DIAPH3: variants seen among roughly 807,000 people sequenced by gnomAD.
The protein encoded by DIAPH3 is diaphanous related formin 3, also known as protein diaphanous homolog 3.
In DIAPH3, 117 loss-of-function variants were observed where a neutral mutation model predicts 144.3. The observed-to-expected ratio is 0.81, with a 90% CI of 0.70 to 0.95. The LOEUF (loss-of-function observed/expected upper bound fraction) is 0.95, where lower values mean the gene tolerates loss of function less well. Ranked by LOEUF, DIAPH3 falls within the 40% of genes least tolerant of loss-of-function variation. The probability of loss-of-function intolerance (pLI) is 0.00; values close to 1 mark genes in which losing one functional copy is unlikely to be tolerated. For missense variants in DIAPH3, 1,421 were observed against 1,412.7 expected (o/e 1.01, Z -0.09); for synonymous variants, 519 against 488.9 (o/e 1.06, Z -0.81).
intron 5 of DIAPH3, among the ~76,000 whole-genome samples, chr13:60,016,745 A>AAAAC (rs901444337): frequency 4.9e-4 from 75 of 152,308 alleles, no homozygotes; most frequent in African/African-American, 7.5e-4. Context: ...AGTTGCTTTA[A>AAAAC]AAACAAACAA....
At chr13:59,885,320 A>G (rs998831577) in intron 20 of DIAPH3, among the ~76,000 whole-genome samples, 4 of 152,012 alleles carry the variant, frequency 2.6e-5, no homozygotes, top group East Asian at 1.9e-4. Flanking sequence ...CCGCTTCCAG[A>G]CAATCCCCAT....
intron 27 of DIAPH3, among the ~76,000 whole-genome samples, chr13:59,760,060 G>A (rs945129463): frequency 1.2e-4 from 18 of 152,264 alleles, no homozygotes; most frequent in South Asian, 2.1e-4. Flanking sequence ...GGTCCTAGGC[G>A]CTGTCTCAGG....
At chr13:60,057,097 G>A (rs1426905463) in intron 4 of DIAPH3, among the ~76,000 whole-genome samples, 1 of 151,774 alleles carries the variant, frequency 6.6e-6, no homozygotes, top group Non-Finnish European at 1.5e-5. Context: ...GGCATTAAGA[G>A]GAAGTCAAAC....
At chr13:60,014,873 A>G (rs1373480787) in intron 7 of DIAPH3, among the ~76,000 whole-genome samples, 2 of 152,252 alleles carry the variant, frequency 1.3e-5, no homozygotes, top group Non-Finnish European at 2.9e-5. Flanking sequence ...GCTAATTTCT[A>G]CAGTTAACAG....
chr13:60,006,813 G>A (rs1347724463), intron 9 of DIAPH3, among the ~76,000 whole-genome samples: 1 of 152,078 alleles, frequency 6.6e-6, no homozygotes, highest in Non-Finnish European at 1.5e-5. Context: ...GTCACAGATG[G>A]GGAACACATC....
intron 17 of DIAPH3, among the ~76,000 whole-genome samples, chr13:59,945,136 A>G (rs540036811): frequency 1.3e-5 from 2 of 152,178 alleles, no homozygotes; most frequent in South Asian, 4.1e-4. Flanking sequence ...ATTTTCCAAA[A>G]AATCCACACC....
At chr13:59,980,011 C>T (rs1048051687) in intron 14 of DIAPH3, among the ~76,000 whole-genome samples, 1 of 151,600 alleles carries the variant, frequency 6.6e-6, no homozygotes, top group Non-Finnish European at 1.5e-5. Context: ...CCTACTGTTC[C>T]ATTATTGGAA....
chr13:59,805,376 A>C (rs1316852670), intron 25 of DIAPH3, among the ~76,000 whole-genome samples: 1 of 152,070 alleles, frequency 6.6e-6, no homozygotes, highest in Admixed American at 6.5e-5. Context: ...AGTTGTGCAT[A>C]ATCACATAAA....
intron 12 of DIAPH3, among the ~76,000 whole-genome samples, chr13:59,987,946 T>A (rs2051536107): frequency 6.6e-6 from 1 of 151,888 alleles, no homozygotes. Context: ...GATCATCCCC[T>A]AGAACTTCTT....
At chr13:59,768,616 A>G (rs1312242113) in intron 27 of DIAPH3, among the ~76,000 whole-genome samples, 1 of 152,158 alleles carries the variant, frequency 6.6e-6, no homozygotes, top group East Asian at 1.9e-4. Context: ...AAGTTTTGAT[A>G]TATCAACAAC....
intron 21 of DIAPH3, among the ~76,000 whole-genome samples, chr13:59,861,739 A>G (rs1182728242): frequency 2.0e-5 from 3 of 152,238 alleles, no homozygotes; most frequent in Non-Finnish European, 4.4e-5. Flanking sequence ...TTTGTCGCAA[A>G]AAAGGAATAA....
Position 59,983,887 on chromosome 13 carries a change from C to T in DIAPH3, c.1362G>A (p.Arg454=), listed in dbSNP as rs1281804679. The T allele has an allele frequency of 1.3e-6, 2 of 1,577,602 alleles. No individual in the cohort carries two copies. Among genetic ancestry groups the T allele is most frequent in the Middle Eastern group, 1.7e-4 (1 of 5,796 alleles). The stretch of plus-strand genomic sequence containing the variant: ...CATCAATTAATTTGAAGTATTGTTG[C>T]CTAAAACCAAAGAAAAGAGTAAATG... ...LLLIRNDYFI[R]QQYFKLIDEC... Residue 454 remains arginine (R), a splice_region_variant and synonymous_variant, in exon 13 of 28, where the codon AGG becomes AGA. Coordinates refer to ENST00000400324, the MANE Select transcript of DIAPH3 (RefSeq NM_001042517.2).
chr13:60,019,651 G>A (rs992057633), intron 5 of DIAPH3, among the ~76,000 whole-genome samples: 2 of 150,442 alleles, frequency 1.3e-5, no homozygotes, highest in East Asian at 3.9e-4. Flanking sequence ...CAGGTTCCCA[G>A]AATTACAATG....
chr13:59,926,110 C>T (rs190439356), intron 17 of DIAPH3, among the ~76,000 whole-genome samples: 5 of 152,180 alleles, frequency 3.3e-5, no homozygotes, highest in East Asian at 3.9e-4. Flanking sequence ...CTCAGCCTCC[C>T]GTGTAACTGG....
intron 7 of DIAPH3, 128 bp downstream of exon 7, chr13:60,015,784 AT>A: frequency 1.2e-6 from 1 of 848,942 alleles, no homozygotes. Context: ...CTAGAATTCA[AT>A]AAAATTCAAT....
chr13:59,890,882 C>A (rs2045748570), intron 20 of DIAPH3, among the ~76,000 whole-genome samples: 1 of 146,184 alleles, frequency 6.8e-6, no homozygotes, highest in Admixed American at 6.9e-5. Flanking sequence ...TAGAAAAATA[C>A]AGAATCTACT....
chr13:60,048,921 A>G (rs1347847480), intron 4 of DIAPH3, among the ~76,000 whole-genome samples: 2 of 152,018 alleles, frequency 1.3e-5, no homozygotes, highest in African/African-American at 2.4e-5. Flanking sequence ...TACATTGCCC[A>G]TATTACTCAG....
chr13:59,743,213 A>C lies in DIAPH3; in HGVS notation c.3319+30976T>G, dbSNP rs115820871. On this transcript the variant is annotated intron_variant, in intron 27 of 27. Coordinates refer to ENST00000400324, the MANE Select transcript of DIAPH3 (RefSeq NM_001042517.2). ...AAGGAATGAAATGGACAGGAGGACAACTGGAGGAAGGGAGAATGATTGGGA... is the reference window on the plus strand; with the variant it reads ...AAGGAATGAAATGGACAGGAGGACACCTGGAGGAAGGGAGAATGATTGGGA... 8.2e-3 allele frequency among the ~76,000 whole-genome samples: 1,249 copies of C among 152,350 alleles called. 16 individuals carry two copies. The highest frequency in any genetic ancestry group is 0.025 in the African/African-American group (1,043 of 41,580).
chr13:59,969,063 G>A (rs1363233877), intron 17 of DIAPH3, among the ~76,000 whole-genome samples: 2 of 152,094 alleles, frequency 1.3e-5, no homozygotes, highest in Non-Finnish European at 2.9e-5. Context: ...TTGCACTACA[G>A]ACCTAAAATG....
Sources: gnomAD v4.1 joint callset for allele counts (sites outside exome capture counted in the v4.1 genomes callset) on GRCh38, gnomAD v4.1.1 for gene constraint, MANE v1.5 for transcripts, NCBI Gene and HGNC (gene_info 2026-07-23, HGNC 2026-07-21) for gene names.